E2F1: variants seen among roughly 807,000 people sequenced by gnomAD.
The protein encoded by E2F1 is E2F transcription factor 1.
In E2F1, 7 loss-of-function variants were observed where a neutral mutation model predicts 36.9. That is an observed-to-expected ratio of 0.19 (90% CI 0.11 to 0.36). E2F1 has a LOEUF of 0.36. Ranked by LOEUF, E2F1 falls within the 10% of genes least tolerant of loss-of-function variation. The probability of loss-of-function intolerance (pLI) is 1.00; values close to 1 mark genes in which losing one functional copy is unlikely to be tolerated. For synonymous variants in E2F1, 261 were observed against 263.1 expected (o/e 0.99, Z 0.08); for missense variants, 406 against 573.6 (o/e 0.71, Z 2.99).
At chr20:33,683,510 C>T (rs1408621920) in intron 1 of E2F1, among the ~76,000 whole-genome samples, 1 of 149,642 alleles carries the variant, frequency 6.7e-6, no homozygotes, top group African/African-American at 2.5e-5. Context: ...TGGTGACTCA[C>T]ACCTGTAATC....
intron 3 of E2F1, 55 bp from the exon 4 acceptor site, chr20:33,678,408 G>A: frequency 6.3e-7 from 1 of 1,598,024 alleles, no homozygotes; most frequent in Non-Finnish European, 8.5e-7. Flanking sequence ...CCTCTGGCCA[G>A]GAGCCCTGGG....
intron 1 of E2F1, among the ~76,000 whole-genome samples, chr20:33,684,405 C>T (rs2018045294): frequency 6.6e-6 from 1 of 152,162 alleles, no homozygotes; most frequent in South Asian, 2.1e-4. Context: ...GGTACAACCC[C>T]CTCCCACCCA....
rs184012999 is a variant in E2F1, at chr20:33,679,550, A to G, written c.572+205T>C. On this transcript the variant is annotated intron_variant, in intron 3 of 6. Transcript: ENST00000343380. This position sits in a 1 kb window ranked among gnomAD's most constrained non-coding sequence, Gnocchi z 4.6. ...CAGAGTGAAACTCCATCTAAAAAAG[A>G]AAAAAGTAAAGCTGCAACTGAGGTG... Among the ~76,000 whole-genome samples, 1 of 152,340 alleles carries G rather than the reference A, an allele frequency of 6.6e-6. No homozygotes were observed. Among genetic ancestry groups the G allele is most frequent in the East Asian group, 1.9e-4 (1 of 5,184 alleles).
intron 6 of E2F1, 25 bp from the exon 7 acceptor site, chr20:33,677,004 G>T: frequency 6.4e-7 from 1 of 1,557,090 alleles, no homozygotes; most frequent in Non-Finnish European, 8.7e-7. Flanking sequence ...AGCATCACAG[G>T]CCGGGGATGC....
chr20:33,678,468 C>A, intron 3 of E2F1, 115 bp from the exon 4 acceptor site: 1 of 1,352,028 alleles, frequency 7.4e-7, no homozygotes. Context: ...CCTAGGCAAG[C>A]CCTTGCTTCT....
chr20:33,677,485 T>C lies in E2F1; in HGVS notation c.781A>G (p.Met261Val). The C allele has an allele frequency of 6.2e-7, 1 of 1,614,004 alleles. No homozygotes were observed. Among genetic ancestry groups the C allele is most frequent in the South Asian group, 1.1e-5 (1 of 91,070 alleles). ...LRSIADPAEQ[M>V]VMVIKAPPET... ...GGAGGGGCTTTGATCACCATAACCATCTGCTCTGCAGGGTCTGCAATGCTA... is the reference window on the plus strand; with the variant it reads ...GGAGGGGCTTTGATCACCATAACCACCTGCTCTGCAGGGTCTGCAATGCTA... Residue 261 changes from methionine to valine, a missense_variant, in exon 5 of 7, where the codon ATG becomes GTG. Physicochemically the swap from Met to Val is conservative, Grantham distance 21. Transcript: ENST00000343380.
Position 33,685,994 on chromosome 20 carries a change from G to T in E2F1, c.261+10C>A. 1 of 1,130,020 alleles carries T rather than the reference G, an allele frequency of 8.8e-7. No homozygotes were observed. Among genetic ancestry groups the T allele is most frequent in the South Asian group, 4.3e-5 (1 of 23,400 alleles). 70.0% of individuals were successfully genotyped at this position (1,130,020 alleles called of 1,614,324 possible). On this transcript the variant is annotated intron_variant, in intron 1 of 6. Coordinates refer to ENST00000343380, the MANE Select transcript of E2F1 (RefSeq NM_005225.3). The stretch of plus-strand genomic sequence containing the variant: ...CGGCGCTGTCGGCGCGGCGTCCCTG[G>T]GGTCCGTACCGGCGGGCGGCCGAGC...
At chr20:33,684,947 A>G (rs535577514) in intron 1 of E2F1, among the ~76,000 whole-genome samples, 63 of 152,062 alleles carry the variant, frequency 4.1e-4, no homozygotes, top group Admixed American at 2.4e-3. Context: ...ACCTTCACCC[A>G]TAGGCTGCGC....
At position 33,679,638 on chromosome 20, in the gene E2F1, G is replaced by T; in HGVS notation, c.572+117C>A. Reference sequence around the variant, plus strand: ...CTCAGGGAAGCTACCTCTCCTCTCTGAGCCCGTTTCCCCAGCTATAAGATG... The same window carrying T: ...CTCAGGGAAGCTACCTCTCCTCTCTTAGCCCGTTTCCCCAGCTATAAGATG... On this transcript the variant is annotated intron_variant, in intron 3 of 6. Transcript: ENST00000343380. This position sits in a 1 kb window ranked among gnomAD's most constrained non-coding sequence, Gnocchi z 4.6. 1.1e-6 allele frequency: 1 copy of T among 919,282 alleles called. No homozygotes were observed. Among genetic ancestry groups the T allele is most frequent in the Non-Finnish European group, 1.8e-6 (1 of 565,250 alleles). 56.9% of individuals were successfully genotyped at this position (919,282 alleles called of 1,614,324 possible).
In E2F1 at chr20:33,676,928, C is replaced by A. The variant is rs796465642; in HGVS notation, c.1118G>T (p.Arg373Leu). The A allele has an allele frequency of 1.3e-6, 2 of 1,564,456 alleles. No individual in the cohort carries two copies. The highest frequency in any genetic ancestry group is 1.2e-5 in the South Asian group (1 of 85,912). The change falls in exon 7 of 7, where the codon CGC (arginine) becomes CTC (leucine). Residue 373 changes from arginine (R) to leucine (L), a missense_variant. By Grantham distance (102) the Arg-to-Leu change is moderately radical. Around this residue, in one of 5 missense-constraint regions of E2F1, gnomAD observed 163 missense variants for 181.5 expected, o/e 0.90. Coordinates refer to ENST00000343380, the MANE Select transcript of E2F1 (RefSeq NM_005225.3). ...GSLRAPVDEDRLSPLVAADSL... is the reference protein window; with the variant it reads ...GSLRAPVDEDLLSPLVAADSL... ...GTCGGCCGCCACCAGCGGGGACAGGCGGTCCTCGTCCACGGGAGCCCGCAG... is the reference window on the plus strand; with the variant it reads ...GTCGGCCGCCACCAGCGGGGACAGGAGGTCCTCGTCCACGGGAGCCCGCAG...
intron 1 of E2F1, among the ~76,000 whole-genome samples, chr20:33,681,407 TG>T (rs1421226850): frequency 6.6e-6 from 1 of 152,200 alleles, no homozygotes; most frequent in Non-Finnish European, 1.5e-5. Context: ...TCTATACGCA[TG>T]GTAGCAGCTG....
chr20:33,686,297 G>A lies in E2F1; in HGVS notation c.-33C>T. On this transcript the variant is annotated 5_prime_UTR_variant, in exon 1 of 7. Coordinates refer to ENST00000343380, the MANE Select transcript of E2F1 (RefSeq NM_005225.3). Reference sequence around the variant, plus strand: ...ACGGCCCGCGCGGCCCGGGTGACAGGCGGCGGCGGCGGCGCGGGCCCATGG... The same window carrying A: ...ACGGCCCGCGCGGCCCGGGTGACAGACGGCGGCGGCGGCGCGGGCCCATGG... 2.0e-6 allele frequency: 2 copies of A among 994,134 alleles called. No individual in the cohort carries two copies. Among genetic ancestry groups the A allele is most frequent in the Non-Finnish European group, 2.4e-6 (2 of 836,302 alleles). 61.6% of individuals were successfully genotyped at this position (994,134 alleles called of 1,614,324 possible).
At chr20:33,681,223 G>A (rs1260062462) in intron 1 of E2F1, among the ~76,000 whole-genome samples, 1 of 152,046 alleles carries the variant, frequency 6.6e-6, no homozygotes, top group Non-Finnish European at 1.5e-5. Context: ...ATTTCTCGTA[G>A]AGATGGGGTC....
At chr20:33,682,847 A>C (rs1316480507) in intron 1 of E2F1, among the ~76,000 whole-genome samples, 2 of 152,202 alleles carry the variant, frequency 1.3e-5, no homozygotes, top group African/African-American at 2.4e-5. Context: ...CCCCTCACAC[A>C]TACAGACAAG....
Position 33,676,869 on chromosome 20 carries a change from C to T in E2F1, c.1177G>A (p.Gly393Ser), listed in dbSNP as rs3213176. The T allele has an allele frequency of 0.028, 44,561 of 1,582,400 alleles. 761 individuals are homozygous for T. Among genetic ancestry groups the T allele is most frequent in the Non-Finnish European group, 0.033 (38,723 of 1,163,128 alleles). The change falls in exon 7 of 7, where the codon GGC (glycine) becomes AGC (serine). Residue 393 changes from glycine (G) to serine (S), a missense_variant. Gly to Ser is a moderately conservative substitution (Grantham distance 56, BLOSUM62 0). This residue lies in a region of E2F1 where 163 missense variants were observed against 181.5 expected (regional missense o/e 0.90). Coordinates refer to ENST00000343380, the MANE Select transcript of E2F1 (RefSeq NM_005225.3). ...CTGATGAACTCCTCAGGGAGGAGGC[C>T]GGAGAAGTCCTCCCGCACATGCTCC... ...LLEHVREDFS[G>S]LLPEEFISLS...
At chr20:33,683,667 G>A (rs1233337145) in intron 1 of E2F1, among the ~76,000 whole-genome samples, 5 of 151,916 alleles carry the variant, frequency 3.3e-5, no homozygotes, top group Admixed American at 3.3e-4. Context: ...CAGCTACTCG[G>A]GAGGCTGAGG....
chr20:33,677,566 C>T (rs773673658), intron 4 of E2F1, 26 bp from the exon 5 acceptor site: 7 of 1,573,594 alleles, frequency 4.4e-6, no homozygotes, highest in South Asian at 1.1e-5. Flanking sequence ...GACCACATGA[C>T]CTTTGACTTC....
chr20:33,678,335 C>T lies in E2F1; in HGVS notation c.591G>A (p.Val197=). The change falls in exon 4 of 7, where the codon GTG becomes GTA. Residue 197 remains valine (V), a synonymous_variant. Transcript: ENST00000343380. ...HIQWLGSHTT[V]GVGGRLEGLT... ...ACCCCTCAAGCCGTCCGCCGACGCC[C>T]ACTGTGGTGTGGCTGCCCCTGTGGG... The T allele has an allele frequency of 6.2e-7, 1 of 1,612,282 alleles. No individual in the cohort carries two copies. Among genetic ancestry groups the T allele is most frequent in the Non-Finnish European group, 8.5e-7 (1 of 1,179,976 alleles).
At chr20:33,685,819 C>T (rs1049282387) in intron 1 of E2F1, among the ~76,000 whole-genome samples, 185 bp downstream of exon 1, 2 of 152,166 alleles carry the variant, frequency 1.3e-5, no homozygotes, top group Non-Finnish European at 2.9e-5. Flanking sequence ...GGGACCGGCC[C>T]GAGGTCACCC....
Sources: gnomAD v4.1 joint callset for allele counts (sites outside exome capture counted in the v4.1 genomes callset) on GRCh38, gnomAD v4.1.1 for gene constraint, gnomAD v4.1.1 regional missense constraint, Gnocchi (gnomAD v3.1) non-coding constraint, MANE v1.5 for transcripts, NCBI Gene and HGNC (gene_info 2026-07-23, HGNC 2026-07-21) for gene names.